MALRD1: variants seen among roughly 807,000 people sequenced by gnomAD.
MALRD1 encodes MAM and LDL receptor class A domain containing 1.
MALRD1 carries 247 observed loss-of-function variants against 242.1 expected under a neutral mutation model. The ratio of observed to expected loss-of-function variants is 1.02; its 90% CI spans 0.92 to 1.13. The LOEUF (loss-of-function observed/expected upper bound fraction) is 1.13, where lower values mean the gene tolerates loss of function less well. Among genes scored for constraint, MALRD1 ranks in the 50% most tolerant of loss-of-function variants. MALRD1 has a pLI of 0.00. For missense variants in MALRD1, 2,989 were observed against 2,533.1 expected (o/e 1.18, Z -3.86); for synonymous variants, 995 against 866.6 (o/e 1.15, Z -2.60).
chr10:19,411,481 C>CT (rs1336836375), intron 28 of MALRD1, among the ~76,000 whole-genome samples: 1 of 152,218 alleles, frequency 6.6e-6, no homozygotes, highest in Non-Finnish European at 1.5e-5. Context: ...AAGCACTCTT[C>CT]TAACTACATG....
intron 32 of MALRD1, among the ~76,000 whole-genome samples, chr10:19,550,045 A>G (rs1334350725): frequency 6.6e-6 from 1 of 152,074 alleles, no homozygotes; most frequent in Non-Finnish European, 1.5e-5. Flanking sequence ...AAACCCATTT[A>G]ATTTGCTTTG....
chr10:19,471,611 G>A, intron 29 of MALRD1, among the ~76,000 whole-genome samples: 1 of 59,324 alleles, frequency 1.7e-5, no homozygotes, highest in South Asian at 6.3e-4. Flanking sequence ...TTTTTCTCAG[G>A]ATTTTTTTTT....
At chr10:19,368,991 A>G (rs895297038) in intron 26 of MALRD1, among the ~76,000 whole-genome samples, 3 of 148,882 alleles carry the variant, frequency 2.0e-5, no homozygotes, top group Admixed American at 6.8e-5. Context: ...CATCAAGTAT[A>G]TATAACAGAT....
chr10:19,359,778 A>G (rs1432420382), intron 26 of MALRD1, among the ~76,000 whole-genome samples: 3 of 151,956 alleles, frequency 2.0e-5, no homozygotes, highest in Non-Finnish European at 1.5e-5. Flanking sequence ...AAATAATTAA[A>G]GAACTCTTGG....
At chr10:19,311,398 T>C (rs1766211454) in intron 21 of MALRD1, among the ~76,000 whole-genome samples, 1 of 151,474 alleles carries the variant, frequency 6.6e-6, no homozygotes, top group Admixed American at 6.6e-5. Context: ...AATATCTAAA[T>C]TTCCTGCTGG....
chr10:19,124,780 T>C, intron 7 of MALRD1, 110 bp downstream of exon 7: 8 of 875,208 alleles, frequency 9.1e-6, no homozygotes, highest in Non-Finnish European at 1.2e-5. Flanking sequence ...GAGTATATTT[T>C]ATTGAAAATA....
At chr10:19,546,108 G>A (rs3916205) in intron 32 of MALRD1, among the ~76,000 whole-genome samples, 143,710 of 152,248 alleles carry the variant, frequency 0.94, 67,878 homozygotes, top group East Asian at 1. Context: ...TAGTGTCTCT[G>A]TTTTACAGTT....
chr10:19,336,645 C>G (rs145362979), intron 24 of MALRD1, among the ~76,000 whole-genome samples: 53 of 152,254 alleles, frequency 3.5e-4, no homozygotes, highest in African/African-American at 4.1e-4. Context: ...CCATGCCCCC[C>G]TCCTAAATCA....
chr10:19,066,826 C>T lies in MALRD1; in HGVS notation c.307C>T (p.Pro103Ser), dbSNP rs558574272. ...TKRSGMIGLS[P>S]PFYDHNGDVS... ...GAGAAGTGGGATGATTGGTCTATCA[C>T]CTCCATTTTATGATCACAATGGTGA... Residue 103 changes from proline (P) to serine (S), a missense_variant, in exon 2 of 40, where the codon CCT becomes TCT. Physicochemically the swap from Pro to Ser is moderately conservative, Grantham distance 74. Coordinates refer to ENST00000454679, the MANE Select transcript of MALRD1 (RefSeq NM_001142308.3). The T allele has an allele frequency of 5.8e-5, 72 of 1,233,542 alleles. No individual in the cohort carries two copies. The highest frequency in any genetic ancestry group is 7.2e-5 in the Non-Finnish European group (71 of 988,042). The allele number at this position is 1,233,542 out of a possible 1,614,324, so 76.4% of individuals were successfully genotyped here. A position where few individuals can be genotyped will look rare whatever the true frequency, so the allele number is the denominator to read the frequency against.
At chr10:19,117,071 G>A (rs1836894978) in intron 5 of MALRD1, among the ~76,000 whole-genome samples, 1 of 150,684 alleles carries the variant, frequency 6.6e-6, no homozygotes, top group Admixed American at 6.6e-5. Flanking sequence ...CTCCAGCCTG[G>A]GCAACAGAGT....
At chr10:19,591,069 C>G (rs1837754362) in intron 33 of MALRD1, among the ~76,000 whole-genome samples, 1 of 152,164 alleles carries the variant, frequency 6.6e-6, no homozygotes, top group African/African-American at 2.4e-5. Context: ...CTTGCCCTAC[C>G]TCCCACCCCA....
At chr10:19,718,921 C>T (rs1834552035) in intron 38 of MALRD1, among the ~76,000 whole-genome samples, 1 of 151,410 alleles carries the variant, frequency 6.6e-6, no homozygotes. Context: ...AATCCCAGTG[C>T]TTTGTGAGGC....
At chr10:19,396,989 C>T (rs1589019203) in intron 28 of MALRD1, among the ~76,000 whole-genome samples, 1 of 152,220 alleles carries the variant, frequency 6.6e-6, no homozygotes, top group East Asian at 1.9e-4. Context: ...AATAATTCCA[C>T]ATATTTGTGG....
At position 19,375,990 on chromosome 10, in the gene MALRD1, T is replaced by G. The variant is rs187884953; in HGVS notation, c.4442-11538T>G. On this transcript the variant is annotated intron_variant, in intron 26 of 39. Transcript: ENST00000454679. ...TACAAAAATTTGCTGGGCGTGGTGA[T>G]GCACACCTGTAGTCCCAGCTACTCA... Among the ~76,000 whole-genome samples, 961 of 152,222 alleles carry G rather than the reference T, an allele frequency of 6.3e-3. 14 individuals are homozygous for G. Among genetic ancestry groups the G allele is most frequent in the African/African-American group, 0.022 (897 of 41,556 alleles).
chr10:19,679,364 A>C (rs943469596), intron 36 of MALRD1, among the ~76,000 whole-genome samples: 1 of 152,096 alleles, frequency 6.6e-6, no homozygotes, highest in African/African-American at 2.4e-5. Context: ...CAGGGATTCA[A>C]CTTCTTTCTG....
chr10:19,731,341 T>C (rs188644409), intron 39 of MALRD1, among the ~76,000 whole-genome samples: 2,916 of 152,238 alleles, frequency 0.019, 91 homozygotes, highest in African/African-American at 0.067. Context: ...GTTCCTTTTT[T>C]AGATTTTTTA....
At chr10:19,052,779 C>T (rs562364442) in intron 1 of MALRD1, among the ~76,000 whole-genome samples, 1 of 148,018 alleles carries the variant, frequency 6.8e-6, no homozygotes, top group South Asian at 2.1e-4. Flanking sequence ...CTACTCCTGC[C>T]CTTGGCTGAA....
At chr10:19,645,007 A>G (rs1472987031) in intron 36 of MALRD1, among the ~76,000 whole-genome samples, 1 of 152,200 alleles carries the variant, frequency 6.6e-6, no homozygotes, top group African/African-American at 2.4e-5. Context: ...ACTGATTAAA[A>G]CTTGGAATAA....
intron 36 of MALRD1, among the ~76,000 whole-genome samples, chr10:19,667,648 C>T (rs1247799412): frequency 2.0e-5 from 3 of 151,964 alleles, no homozygotes; most frequent in Non-Finnish European, 4.4e-5. Flanking sequence ...CTGCTTTCAC[C>T]ATGTAATGTG....
Sources: gnomAD v4.1 joint callset for allele counts (sites outside exome capture counted in the v4.1 genomes callset) on GRCh38, gnomAD v4.1.1 for gene constraint, MANE v1.5 for transcripts, NCBI Gene and HGNC (gene_info 2026-07-23, HGNC 2026-07-21) for gene names.